VMP1: variants seen among roughly 807,000 people sequenced by gnomAD.
The protein encoded by VMP1 is vacuole membrane protein 1, also known as ectopic P-granules autophagy protein 3 homolog.
Under a neutral mutation model 56.0 loss-of-function variants are expected in VMP1, and 11 were observed. That is an observed-to-expected ratio of 0.20 (90% CI 0.12 to 0.32). The LOEUF is 0.32. Among genes scored for constraint, VMP1 ranks in the 10% least tolerant of loss-of-function variants. The pLI, the probability that VMP1 is intolerant of heterozygous loss-of-function variation, is 1.00. For missense variants in VMP1, 296 were observed against 490.3 expected (o/e 0.60, Z 3.74); for synonymous variants, 149 against 165.0 (o/e 0.90, Z 0.74).
intron 7 of VMP1, among the ~76,000 whole-genome samples, chr17:59,793,903 G>A (rs981902481): frequency 4.6e-5 from 7 of 151,524 alleles, no homozygotes; most frequent in Non-Finnish European, 1.0e-4. Context: ...GGGATTACAG[G>A]CGTGAGCCAC....
intron 6 of VMP1, among the ~76,000 whole-genome samples, chr17:59,769,344 G>C (rs1035809856): frequency 1.3e-5 from 2 of 151,466 alleles, no homozygotes; most frequent in African/African-American, 2.4e-5. Flanking sequence ...AGTAGAGACA[G>C]GGTTTCTTGG....
intron 1 of VMP1, among the ~76,000 whole-genome samples, chr17:59,724,445 C>G (rs2034518509): frequency 6.6e-6 from 1 of 152,084 alleles, no homozygotes; most frequent in African/African-American, 2.4e-5. Context: ...CTTTGGGAGG[C>G]TGAGATGGGC....
At chr17:59,830,096 C>G (rs1341173021) in intron 10 of VMP1, among the ~76,000 whole-genome samples, 2 of 152,130 alleles carry the variant, frequency 1.3e-5, no homozygotes, top group Non-Finnish European at 2.9e-5. Context: ...TTTTCAGTCT[C>G]CTGAAGTTGG....
At chr17:59,737,835 T>TC in intron 4 of VMP1, among the ~76,000 whole-genome samples, 1 of 152,060 alleles carries the variant, frequency 6.6e-6, no homozygotes, top group Non-Finnish European at 1.5e-5. Context: ...AGTGGTGTGA[T>TC]CTGAGCTCAC....
rs71145575 is a variant in VMP1 at position 59,809,484 on chromosome 17, A to ATT, written c.795+647_795+648dup. On this transcript the variant is annotated intron_variant, in intron 8 of 11. Coordinates refer to ENST00000262291, the MANE Select transcript of VMP1 (RefSeq NM_030938.5). ...AGGCGACTGCCACCACACCCAGCTA[A>ATT]TTTTTTTTTTTTTTTTTTTTTTTTT... Among the ~76,000 whole-genome samples, 147 of 52,712 alleles carry ATT rather than the reference A, an allele frequency of 2.8e-3. 14 individuals carry two copies. Among genetic ancestry groups the ATT allele is most frequent in the Non-Finnish European group, 3.8e-3 (120 of 31,636 alleles). The allele number at this position is 52,712 out of a possible 152,430, so 34.6% of individuals were successfully genotyped here.
At chr17:59,719,278 T>C (rs994960785) in intron 1 of VMP1, among the ~76,000 whole-genome samples, 15 of 151,928 alleles carry the variant, frequency 9.9e-5, no homozygotes, top group African/African-American at 3.6e-4. Flanking sequence ...GTGACCATGC[T>C]ACTGCACTCT....
intron 2 of VMP1, among the ~76,000 whole-genome samples, chr17:59,734,595 C>T (rs961005936): frequency 2.6e-5 from 4 of 151,958 alleles, no homozygotes; most frequent in Admixed American, 6.6e-5. Context: ...TAGTTGGGTG[C>T]GGTGGTACAC....
intron 10 of VMP1, among the ~76,000 whole-genome samples, chr17:59,831,414 C>T (rs2038801014): frequency 6.6e-6 from 1 of 152,116 alleles, no homozygotes; most frequent in Non-Finnish European, 1.5e-5. Flanking sequence ...CTCAAGTCCT[C>T]CTGCCTCAGT....
chr17:59,757,803 T>C lies in VMP1; in HGVS notation c.415-7168T>C, dbSNP rs187638541. Reference sequence around the variant, plus strand: ...AACCAAGCTATCTTGTTGATTTAACTTCGTCTAGAATAACTATACTGAGTT... The same window carrying C: ...AACCAAGCTATCTTGTTGATTTAACCTCGTCTAGAATAACTATACTGAGTT... On this transcript the variant is annotated intron_variant, in intron 5 of 11. Coordinates refer to ENST00000262291, the MANE Select transcript of VMP1 (RefSeq NM_030938.5). 7.3e-5 allele frequency among the ~76,000 whole-genome samples: 11 copies of C among 151,712 alleles called. No individual in the cohort carries two copies. The East Asian group carries it at 1.7e-3, about 24-fold the overall frequency.
At chr17:59,756,828 C>T (rs562345279) in intron 5 of VMP1, among the ~76,000 whole-genome samples, 3 of 152,222 alleles carry the variant, frequency 2.0e-5, no homozygotes, top group Non-Finnish European at 4.4e-5. Flanking sequence ...TAAGACAGGA[C>T]CCTAAAGTAA....
At chr17:59,808,630 CATT>C (rs1307024923) in intron 7 of VMP1, among the ~76,000 whole-genome samples, 163 bp from the exon 8 acceptor site, 1 of 152,110 alleles carries the variant, frequency 6.6e-6, no homozygotes, top group African/African-American at 2.4e-5. Context: ...AATAGTCTAT[CATT>C]ATTTTACTTG....
intron 5 of VMP1, among the ~76,000 whole-genome samples, chr17:59,760,962 T>C (rs1176536595): frequency 6.6e-6 from 1 of 150,804 alleles, no homozygotes; most frequent in East Asian, 2.0e-4. Context: ...GCATGCAGTG[T>C]TGAGATCTCA....
At chr17:59,838,447 A>G (rs1335612265) in intron 11 of VMP1, 50 bp downstream of exon 11, 1 of 1,577,244 alleles carries the variant, frequency 6.3e-7, no homozygotes, top group Non-Finnish European at 8.7e-7. Flanking sequence ...TTCGGGCTGA[A>G]ATTACATTCA....
At chr17:59,760,661 G>A (rs985523680) in intron 5 of VMP1, among the ~76,000 whole-genome samples, 4 of 151,784 alleles carry the variant, frequency 2.6e-5, no homozygotes, top group South Asian at 2.1e-4. Context: ...TTGCTCTGAC[G>A]TCAGGCTGGA....
intron 10 of VMP1, among the ~76,000 whole-genome samples, chr17:59,832,573 A>ATTTGTTTTGT (rs71145579): frequency 0.12 from 16,818 of 146,186 alleles, 1,239 homozygotes; most frequent in Middle Eastern, 0.19. Context: ...AATTGTAGTT[A>ATTTGTTTTGT]TTTGTTTTGT....
chr17:59,724,354 A>G (rs886064719), intron 1 of VMP1, among the ~76,000 whole-genome samples: 2 of 152,190 alleles, frequency 1.3e-5, no homozygotes, highest in African/African-American at 4.8e-5. Context: ...GTTTATTAGC[A>G]GGAATCATCA....
At chr17:59,751,855 G>C (rs2035663766) in intron 5 of VMP1, among the ~76,000 whole-genome samples, 1 of 150,658 alleles carries the variant, frequency 6.6e-6, no homozygotes, top group Non-Finnish European at 1.5e-5. Flanking sequence ...TCTCTCTGTT[G>C]CCAGGCTGGA....
chr17:59,818,925 A>G (rs1185029992), intron 10 of VMP1, among the ~76,000 whole-genome samples: 1 of 152,144 alleles, frequency 6.6e-6, no homozygotes, highest in Non-Finnish European at 1.5e-5. Flanking sequence ...CCACTTACAG[A>G]GCAAACATTT....
At chr17:59,732,156 A>G (rs966985557) in intron 2 of VMP1, among the ~76,000 whole-genome samples, 2 of 152,176 alleles carry the variant, frequency 1.3e-5, no homozygotes, top group African/African-American at 4.8e-5. Flanking sequence ...ACACATGGCA[A>G]ATAATACTCT....
Sources: gnomAD v4.1 joint callset for allele counts (sites outside exome capture counted in the v4.1 genomes callset) on GRCh38, gnomAD v4.1.1 for gene constraint, MANE v1.5 for transcripts, NCBI Gene and HGNC (gene_info 2026-07-23, HGNC 2026-07-21) for gene names.